The following SNED1 variants were observed in gnomAD, a reference collection of about 807,000 sequenced individuals.
The protein encoded by SNED1 is sushi, nidogen and EGF like domains 1, also known as sushi, nidogen and EGF-like domain-containing protein 1.
A neutral mutation model predicts 166.7 loss-of-function variants in SNED1; 81 were observed. That is an observed-to-expected ratio of 0.49 (90% CI 0.41 to 0.58). The LOEUF is 0.58. SNED1 is among the 20% of genes least tolerant of loss of function. SNED1 has a pLI of 0.00. For missense variants in SNED1, 1,604 were observed against 2,000.2 expected (o/e 0.80, Z 3.78); for synonymous variants, 762 against 822.0 (o/e 0.93, Z 1.25).
intron 1 of SNED1, among the ~76,000 whole-genome samples, chr2:241,011,343 A>G (rs1030898917): frequency 6.6e-6 from 1 of 151,484 alleles, no homozygotes; most frequent in African/African-American, 2.4e-5. Flanking sequence ...TTACATTTCT[A>G]CAAGTGTCCC....
chr2:241,076,247 G>A (rs966711700), intron 27 of SNED1, among the ~76,000 whole-genome samples: 5 of 152,096 alleles, frequency 3.3e-5, no homozygotes, highest in Non-Finnish European at 5.9e-5. Context: ...GACATCTTTA[G>A]GATAGTAAGT....
At chr2:241,074,866 C>G (rs2125263470) in intron 27 of SNED1, 1 of 152,364 alleles carries the variant, frequency 6.6e-6, no homozygotes, top group Non-Finnish European at 1.5e-5. Flanking sequence ...ACTCCCTGTT[C>G]TCTCCCCTCA....
chr2:241,052,574 TGAGAGGGCCAGGGGGCC>T (rs2061883802), intron 15 of SNED1, 106 bp downstream of exon 15: 1 of 890,776 alleles, frequency 1.1e-6, no homozygotes, highest in African/African-American at 1.8e-5. Flanking sequence ...GCCAGGCAGG[TGAGAGGGCCAGGGGGCC>T]AAGCAGGATA....
intron 8 of SNED1, among the ~76,000 whole-genome samples, chr2:241,045,653 A>G (rs922893487): frequency 3.3e-5 from 5 of 151,966 alleles, no homozygotes; most frequent in African/African-American, 1.2e-4. Flanking sequence ...TTAACTCAAA[A>G]TGGATCATAG....
intron 31 of SNED1, among the ~76,000 whole-genome samples, chr2:241,090,683 A>G (rs1178444216): frequency 6.6e-6 from 1 of 152,168 alleles, no homozygotes; most frequent in African/African-American, 2.4e-5. Flanking sequence ...CCTGGCCAAC[A>G]TGATGAAACC....
At chr2:241,023,916 G>T (rs1311475004) in intron 1 of SNED1, among the ~76,000 whole-genome samples, 1 of 86,916 alleles carries the variant, frequency 1.2e-5, no homozygotes, top group Non-Finnish European at 2.0e-5. Flanking sequence ...TTGAGACAGA[G>T]ACTTGCTCTG....
chr2:241,075,656 G>C lies in SNED1; in HGVS notation c.3916+2292G>C, dbSNP rs970626354. The C allele has an allele frequency of 6.6e-6, 1 of 152,002 alleles. No individual in the cohort carries two copies. The highest frequency in any genetic ancestry group is 2.4e-5 in the African/African-American group (1 of 41,384). 9.4% of individuals were successfully genotyped at this position (152,002 alleles called of 1,614,324 possible). A position where few individuals can be genotyped will look rare whatever the true frequency, so the allele number is the denominator to read the frequency against. On this transcript the variant is annotated intron_variant, in intron 27 of 31. Coordinates refer to ENST00000310397, the MANE Select transcript of SNED1 (RefSeq NM_001080437.3). This position sits in a 1 kb window ranked among gnomAD's most constrained non-coding sequence, Gnocchi z 4.8. ...GGTATCTTCCTCCAGCCTCTGGCTT[G>C]TCCTTCCCTGTTCTTGGTGGTACTT...
chr2:241,086,550 C>T (rs1050908984), intron 29 of SNED1, among the ~76,000 whole-genome samples: 1 of 152,218 alleles, frequency 6.6e-6, no homozygotes. Context: ...ATTACAGTCT[C>T]GTGTTGTCTG....
chr2:241,050,600 G>C (rs1028203321), intron 12 of SNED1, among the ~76,000 whole-genome samples: 4 of 152,204 alleles, frequency 2.6e-5, no homozygotes, highest in Non-Finnish European at 5.9e-5. Flanking sequence ...GAAAGACCCT[G>C]AAGTCTGAGC....
chr2:241,071,890 G>A lies in SNED1; in HGVS notation c.3817+12G>A, dbSNP rs750112988. 35 of 1,589,710 alleles carry A rather than the reference G, an allele frequency of 2.2e-5. No homozygotes were observed. Among genetic ancestry groups the A allele is most frequent in the Non-Finnish European group, 8.6e-7 (1 of 1,168,536 alleles). On this transcript the variant is annotated intron_variant, in intron 26 of 31. Coordinates refer to ENST00000310397, the MANE Select transcript of SNED1 (RefSeq NM_001080437.3). ...CACCGTGAGATCACGTGAGTGCCAG[G>A]GCCTCCCCACCCACCTTGGTGGCCC...
intron 21 of SNED1, 146 bp from the exon 22 acceptor site, chr2:241,067,618 A>G (rs79902683): frequency 0.013 from 7,799 of 603,242 alleles, 431 homozygotes; most frequent in East Asian, 0.11. Flanking sequence ...ACTCAGCCCG[A>G]GTTCCCTGAG....
chr2:241,087,064 G>A (rs541412404), intron 29 of SNED1: 91 of 238,882 alleles, frequency 3.8e-4, no homozygotes, highest in African/African-American at 1.9e-3. Context: ...CCAGGCCTCC[G>A]GCCAGGTGGC....
chr2:241,089,508 C>A, intron 31 of SNED1: 1 of 1,403,686 alleles, frequency 7.1e-7, no homozygotes, highest in South Asian at 1.4e-5. Context: ...GAGCTCCGCA[C>A]ATGGCAGGAA....
Position 241,064,954 on chromosome 2 carries a change from A to G in SNED1, c.2710A>G (p.Lys904Glu). The G allele has an allele frequency of 6.3e-7, 1 of 1,579,074 alleles. No homozygotes were observed. Among genetic ancestry groups the G allele is most frequent in the Non-Finnish European group, 8.6e-7 (1 of 1,166,318 alleles). The stretch of plus-strand genomic sequence containing the variant: ...GGGCTACACGGGCGAGGACTGCGCC[A>G]AAGGTGGGTGGCGAGGGCGCCTCCA... The part of the protein sequence containing the change: ...KVGYTGEDCA[K>E]ELFPPTALKM... Residue 904 changes from lysine to glutamate, a missense_variant, in exon 20 of 32, where the codon AAA becomes GAA. This residue lies in a region of SNED1 where 1,237 missense variants were observed against 1,620.8 expected (regional missense o/e 0.76). Transcript: ENST00000310397. This position sits in a 1 kb window ranked among gnomAD's most constrained non-coding sequence, Gnocchi z 7.0.
At chr2:241,010,446 C>T (rs1422919732) in intron 1 of SNED1, 1 of 152,366 alleles carries the variant, frequency 6.6e-6, no homozygotes, top group African/African-American at 2.4e-5. Flanking sequence ...GCAGGAGAGC[C>T]CTGAGTGCCC....
chr2:241,049,233 C>T, intron 11 of SNED1, 98 bp downstream of exon 11: 1 of 873,632 alleles, frequency 1.1e-6, no homozygotes, highest in South Asian at 1.5e-5. Flanking sequence ...GTCCCTACTT[C>T]CCTTCTGACT....
chr2:241,056,622 C>T (rs1347556897), intron 16 of SNED1, among the ~76,000 whole-genome samples: 26 of 131,244 alleles, frequency 2.0e-4, no homozygotes, highest in African/African-American at 7.5e-4. Context: ...GCTCTGTCTT[C>T]CAGGCTGGAG....
intron 16 of SNED1, 35 bp downstream of exon 16, chr2:241,053,361 G>A: frequency 6.6e-7 from 1 of 1,526,550 alleles, no homozygotes; most frequent in Non-Finnish European, 8.8e-7. Flanking sequence ...GGGCAGGTGG[G>A]GCCCACACCC....
chr2:241,060,245 C>T (rs552827855), intron 16 of SNED1, among the ~76,000 whole-genome samples: 3 of 151,252 alleles, frequency 2.0e-5, no homozygotes, highest in Non-Finnish European at 4.4e-5. Flanking sequence ...TGCAGTGGCA[C>T]AATCTCGGCT....
Sources: allele counts gnomAD v4.1 joint callset (sites outside exome capture counted in the v4.1 genomes callset), GRCh38; gene constraint gnomAD v4.1.1; regional missense constraint gnomAD v4.1.1; non-coding constraint Gnocchi (gnomAD v3.1); transcripts MANE v1.5; gene names NCBI Gene and HGNC (gene_info 2026-07-23, HGNC 2026-07-21).